The following PANX1 variants were observed in gnomAD, a reference collection of about 807,000 sequenced individuals.
PANX1 encodes pannexin-1.
A neutral mutation model predicts 38.7 loss-of-function variants in PANX1; 30 were observed. That is an observed-to-expected ratio of 0.78 (90% confidence interval 0.58 to 1.05). The LOEUF (loss-of-function observed/expected upper bound fraction) is 1.05, where lower values mean the gene tolerates loss of function less well. Ranked by LOEUF, PANX1 falls within the 50% of genes least tolerant of loss-of-function variation. PANX1 has a pLI of 0.00. For missense variants in PANX1, 551 were observed against 517.2 expected, an observed-to-expected ratio of 1.07 and a Z score of -0.63; for synonymous variants, 230 against 212.2, an observed-to-expected ratio of 1.08 and a Z score of -0.73.
At chr11:94,157,833 T>C (rs1386093622) in intron 2 of PANX1, among the ~76,000 whole-genome samples, 1 of 152,202 alleles carries the variant, frequency 6.6e-6, no homozygotes, top group Admixed American at 6.5e-5. Context: ...ATGTCCTGAA[T>C]GGTATTGCCT....
At chr11:94,144,039 C>T (rs1348454075) in intron 1 of PANX1, among the ~76,000 whole-genome samples, 1 of 151,394 alleles carries the variant, frequency 6.6e-6, no homozygotes, top group Non-Finnish European at 1.5e-5. Context: ...CCCAGTCCCC[C>T]TCACCCATAT....
At chr11:94,143,201 A>G (rs1488426074) in intron 1 of PANX1, among the ~76,000 whole-genome samples, 1 of 152,222 alleles carries the variant, frequency 6.6e-6, no homozygotes, top group Non-Finnish European at 1.5e-5. Context: ...TTTAAAAGGC[A>G]TCTTTGAGGG....
At chr11:94,165,680 G>A (rs1458384451) in intron 2 of PANX1, among the ~76,000 whole-genome samples, 1 of 152,212 alleles carries the variant, frequency 6.6e-6, no homozygotes, top group South Asian at 2.1e-4. Flanking sequence ...GGAGGCCAAG[G>A]CAGGCAGATC....
At chr11:94,139,655 A>G (rs1157270178) in intron 1 of PANX1, among the ~76,000 whole-genome samples, 3 of 152,100 alleles carry the variant, frequency 2.0e-5, no homozygotes, top group Admixed American at 2.0e-4. Flanking sequence ...GGGAGGGGAG[A>G]GGGCCTGAAG....
At chr11:94,161,131 C>G (rs541479890) in intron 2 of PANX1, among the ~76,000 whole-genome samples, 33 of 152,314 alleles carry the variant, frequency 2.2e-4, no homozygotes, top group South Asian at 1.0e-3. Flanking sequence ...TGGGTAACCC[C>G]ACCTTTCTCT....
chr11:94,132,874 A>G (rs906945549), intron 1 of PANX1, among the ~76,000 whole-genome samples: 7 of 152,346 alleles, frequency 4.6e-5, no homozygotes, highest in Admixed American at 4.6e-4. Flanking sequence ...AATCTATTAA[A>G]TCAAGAAATG....
At chr11:94,177,331 CA>C (rs1281840524) in intron 2 of PANX1, among the ~76,000 whole-genome samples, 5 of 151,072 alleles carry the variant, frequency 3.3e-5, no homozygotes, top group African/African-American at 1.2e-4. Context: ...AAAGAGCAAA[CA>C]AAAAGCAATA....
At chr11:94,165,888 G>C (rs1430630975) in intron 2 of PANX1, among the ~76,000 whole-genome samples, 1 of 152,046 alleles carries the variant, frequency 6.6e-6, no homozygotes, top group Non-Finnish European at 1.5e-5. Flanking sequence ...ACTCCAGCCT[G>C]GGCAACAAGA....
At chr11:94,175,902 G>A in intron 2 of PANX1, 5 of 984,708 alleles carry the variant, frequency 5.1e-6, no homozygotes, top group Non-Finnish European at 6.0e-6. Context: ...AGAGGGCTTT[G>A]CAAAGTTTTG....
At chr11:94,153,358 T>A in intron 1 of PANX1, 133 bp from the exon 2 acceptor site, 1 of 864,004 alleles carries the variant, frequency 1.2e-6, no homozygotes, top group Non-Finnish European at 1.8e-6. Flanking sequence ...GTGTTTGTTT[T>A]TAGTTCTGTC....
chr11:94,162,431 C>T (rs560898767), intron 2 of PANX1, among the ~76,000 whole-genome samples: 4 of 152,214 alleles, frequency 2.6e-5, no homozygotes, highest in Admixed American at 6.5e-5. Context: ...GACGCCCCTC[C>T]CCCAGCCTCG....
At chr11:94,140,604 ACTTTTTC>A (rs1161922376) in intron 1 of PANX1, among the ~76,000 whole-genome samples, 1 of 152,160 alleles carries the variant, frequency 6.6e-6, no homozygotes, top group Non-Finnish European at 1.5e-5. Context: ...TGTTCATTCC[ACTTTTTC>A]CTACTACAAA....
At chr11:94,129,888 A>G (rs552395817) in intron 1 of PANX1, among the ~76,000 whole-genome samples, 97 of 152,338 alleles carry the variant, frequency 6.4e-4, no homozygotes, top group African/African-American at 2.3e-3. Flanking sequence ...CTGAGTGGCT[A>G]CATGGAGGAT....
chr11:94,168,511 G>A (rs1947128207), intron 2 of PANX1, among the ~76,000 whole-genome samples: 1 of 151,108 alleles, frequency 6.6e-6, no homozygotes, highest in African/African-American at 2.4e-5. Flanking sequence ...AAAAGAAGCA[G>A]TTTTGTCCAA....
chr11:94,132,225 G>A (rs911729017), intron 1 of PANX1, among the ~76,000 whole-genome samples: 2 of 152,198 alleles, frequency 1.3e-5, no homozygotes, highest in African/African-American at 4.8e-5. Flanking sequence ...TCAGACACAC[G>A]TAGGACATAA....
intron 3 of PANX1, among the ~76,000 whole-genome samples, chr11:94,178,810 C>G (rs1947267667): frequency 6.6e-6 from 1 of 152,140 alleles, no homozygotes; most frequent in Non-Finnish European, 1.5e-5. Flanking sequence ...ATCCTTCTGT[C>G]AAGACTCATT....
chr11:94,179,378 T>C (rs868633387), intron 3 of PANX1, among the ~76,000 whole-genome samples: 1 of 152,230 alleles, frequency 6.6e-6, no homozygotes, highest in Admixed American at 6.5e-5. Flanking sequence ...TATTAACTCA[T>C]TTAATTAACT....
intron 2 of PANX1, among the ~76,000 whole-genome samples, chr11:94,170,198 T>G (rs1224102831): frequency 1.3e-5 from 2 of 151,710 alleles, no homozygotes; most frequent in Admixed American, 1.3e-4. Context: ...CTGCATCCAT[T>G]AAGCAGTAAT....
intron 2 of PANX1, 33 bp downstream of exon 2, chr11:94,153,663 T>G: frequency 6.2e-7 from 1 of 1,602,438 alleles, no homozygotes; most frequent in Non-Finnish European, 8.5e-7. Context: ...AGAACCTGTT[T>G]GCTTTATAGA....
Sources: allele counts gnomAD v4.1 joint callset (sites outside exome capture counted in the v4.1 genomes callset), GRCh38; gene constraint gnomAD v4.1.1; transcripts MANE v1.5; gene names NCBI Gene and HGNC (gene_info 2026-07-23, HGNC 2026-07-21).